Variants in KIF1A observed in about 807,000 individuals in gnomAD.
The protein encoded by KIF1A is kinesin-like protein KIF1A.
A neutral mutation model predicts 227.3 loss-of-function variants in KIF1A; 46 were observed. That is an observed-to-expected ratio of 0.20 (90% CI 0.16 to 0.26). The LOEUF (loss-of-function observed/expected upper bound fraction) is 0.26, where lower values mean the gene tolerates loss of function less well. Ranked by LOEUF, KIF1A falls within the 10% of genes least tolerant of loss-of-function variation. The pLI is 1.00. For missense variants in KIF1A, 1,683 were observed against 2,485.9 expected (o/e 0.68, Z 6.87); for synonymous variants, 1,022 against 1,012.8 (o/e 1.01, Z -0.17).
rs1010738903 is a variant in KIF1A, at chr2:240,719,312, C to A, written c.5022-114G>T. 2.0e-5 allele frequency: 25 copies of A among 1,236,050 alleles called. No homozygotes were observed. In the African/African-American group the frequency reaches 2.8e-4, roughly 14 times the overall value. The allele number at this position is 1,236,050 out of a possible 1,614,324, so 76.6% of individuals were successfully genotyped here. A position where few individuals can be genotyped will look rare whatever the true frequency, so the allele number is the denominator to read the frequency against. On this transcript the variant is annotated intron_variant, in intron 46 of 48. Transcript: ENST00000498729. ...GCAGCAGTGCCAACCACCTCCCCAG[C>A]CAGAAAGTGGGTCGAGGCATCGAAG...
chr2:240,721,282 A>T lies in KIF1A; in HGVS notation c.4744-244T>A, dbSNP rs2241681. ...CCTGACCCAGGCAGCCACCCTGCCA[A>T]TGCCTCGAGGAGTGGGCTGGGTAAG... is the stretch of plus-strand genomic sequence containing the variant. On this transcript the variant is annotated intron_variant, in intron 44 of 48. Transcript: ENST00000498729. 0.03 allele frequency among the ~76,000 whole-genome samples: 4,546 copies of T among 152,290 alleles called. 521 individuals carry two copies. In the East Asian group the frequency reaches 0.34, roughly 11 times the overall value.
At chr2:240,750,942 G>A (rs573756501) in intron 27 of KIF1A, among the ~76,000 whole-genome samples, 3 of 152,238 alleles carry the variant, frequency 2.0e-5, no homozygotes, top group South Asian at 4.1e-4. Flanking sequence ...GGCCAGCATC[G>A]CTCTGCCTCC....
chr2:240,734,762 A>G, intron 38 of KIF1A: 1 of 1,303,170 alleles, frequency 7.7e-7, no homozygotes, highest in Non-Finnish European at 1.0e-6. Context: ...AACACAAACA[A>G]TCACACGGTT....
At chr2:240,797,108 G>A (rs1353500815) in intron 2 of KIF1A, among the ~76,000 whole-genome samples, 1 of 152,208 alleles carries the variant, frequency 6.6e-6, no homozygotes, top group Admixed American at 6.5e-5. Flanking sequence ...GCCCCGCTGA[G>A]CCCAGCCAGC....
chr2:240,755,384 T>C (rs2049726119), intron 27 of KIF1A, among the ~76,000 whole-genome samples: 1 of 151,916 alleles, frequency 6.6e-6, no homozygotes, highest in African/African-American at 2.4e-5. Context: ...TAACCACAGA[T>C]TGGTGAGGTG....
intron 1 of KIF1A, among the ~76,000 whole-genome samples, chr2:240,808,093 C>T (rs1471974747): frequency 1.3e-5 from 2 of 152,150 alleles, no homozygotes; most frequent in Non-Finnish European, 2.9e-5. Context: ...AGAAACAAGT[C>T]CAGGATGCTT....
Position 240,744,017 on chromosome 2 carries a change from C to T in KIF1A, c.3509G>A (p.Ser1170Asn), listed in dbSNP as rs776451256. ...VTKSFIEYIK[S>N]QPIVFEVFGH... is the part of the protein sequence containing the mutation. ...AAAGACCTCGAAAACAATGGGCTGG[C>T]TCTTGATGTACTCAATGAAGGACTT... Residue 1170 changes from serine (S) to asparagine (N), a missense_variant, in exon 33 of 49, where the codon AGC becomes AAC. Around this residue, in one of 12 missense-constraint regions of KIF1A, gnomAD observed 759 missense variants for 1,020.2 expected, o/e 0.74. Coordinates refer to ENST00000498729, the MANE Select transcript of KIF1A (RefSeq NM_001244008.2). The T allele has an allele frequency of 1.7e-5, 27 of 1,613,816 alleles. No homozygotes were observed. Among genetic ancestry groups the T allele is most frequent in the Non-Finnish European group, 2.2e-5 (26 of 1,179,800 alleles).
chr2:240,747,389 G>A (rs1257812601), intron 28 of KIF1A, 68 bp from the exon 29 acceptor site: 3 of 1,287,992 alleles, frequency 2.3e-6, no homozygotes, highest in Non-Finnish European at 2.2e-6. Context: ...GGCAGAGCCA[G>A]GCTGGGCCAC....
chr2:240,800,320 C>T (rs1157797608), intron 1 of KIF1A, among the ~76,000 whole-genome samples: 5 of 152,138 alleles, frequency 3.3e-5, no homozygotes, highest in Non-Finnish European at 5.9e-5. Flanking sequence ...ATGCACACCA[C>T]GAAGCATGGA....
chr2:240,806,032 T>A (rs2057374539), intron 1 of KIF1A, among the ~76,000 whole-genome samples: 1 of 152,044 alleles, frequency 6.6e-6, no homozygotes, highest in Admixed American at 6.5e-5. Flanking sequence ...AGACAAAATA[T>A]ACGAAAATAC....
rs367548685 is a variant in KIF1A, at chr2:240,737,186, G to A, written c.3902-18C>T. On this transcript the variant is annotated intron_variant, in intron 37 of 48. Transcript: ENST00000498729. The stretch of plus-strand genomic sequence containing the variant: ...GATGCGGCCTGCAGAAAAGGCAACG[G>A]GCCACAGGTCACTTCCCAGGGGGCA... The A allele has an allele frequency of 3.0e-5, 48 of 1,607,234 alleles. No homozygotes were observed. The African/African-American group carries it at 4.9e-4, about 17-fold the overall frequency.
intron 7 of KIF1A, among the ~76,000 whole-genome samples, chr2:240,784,213 C>T (rs897713517): frequency 1.4e-4 from 22 of 152,316 alleles, no homozygotes; most frequent in African/African-American, 5.1e-4. Flanking sequence ...TGGCCCTGCT[C>T]AGCCACCACA....
chr2:240,791,331 C>A (rs940138657), intron 2 of KIF1A, among the ~76,000 whole-genome samples: 2 of 152,138 alleles, frequency 1.3e-5, no homozygotes, highest in African/African-American at 4.8e-5. Flanking sequence ...CCAGCTCTGA[C>A]ACAGAGGCCT....
At chr2:240,817,261 C>A (rs1259317600) in intron 1 of KIF1A, among the ~76,000 whole-genome samples, 1 of 152,174 alleles carries the variant, frequency 6.6e-6, no homozygotes, top group Non-Finnish European at 1.5e-5. Context: ...CAGGGTGTGG[C>A]CCAGCCCCCC....
chr2:240,719,839 C>T lies in KIF1A; in HGVS notation c.4956G>A (p.Arg1652=). The T allele has an allele frequency of 2.5e-6, 4 of 1,611,548 alleles. No individual in the cohort carries two copies. Among genetic ancestry groups the T allele is most frequent in the Non-Finnish European group, 3.4e-6 (4 of 1,179,132 alleles). Residue 1652 remains arginine, a synonymous_variant, in exon 46 of 49, where the codon CGG becomes CGA. Coordinates refer to ENST00000498729, the MANE Select transcript of KIF1A (RefSeq NM_001244008.2). ...GGGGCTCCTTGTCTGTCTCTGTTGC[C>T]CGGGCAGGGGAAGGGAGCTTCTTGG... is the stretch of plus-strand genomic sequence containing the variant. ...ADSKKLPSPA[R]ATETDKEPQR... is the part of the protein sequence containing the mutation.
chr2:240,745,317 C>T, intron 32 of KIF1A, 110 bp downstream of exon 32: 1 of 869,828 alleles, frequency 1.1e-6, no homozygotes, highest in Admixed American at 2.0e-5. Context: ...GTGCACAAGG[C>T]AGTCCTGGCC....
intron 1 of KIF1A, among the ~76,000 whole-genome samples, chr2:240,799,582 C>T (rs769090833): frequency 6.6e-6 from 1 of 152,212 alleles, no homozygotes; most frequent in Non-Finnish European, 1.5e-5. Flanking sequence ...TGGCTGCCAG[C>T]GTGGACGGGG....
Position 240,742,976 on chromosome 2 carries a change from C to T in KIF1A, c.3593G>A (p.Arg1198Lys), listed in dbSNP as rs1301276540. 1 of 1,610,106 alleles carries T rather than the reference C, an allele frequency of 6.2e-7. No individual in the cohort carries two copies. The highest frequency in any genetic ancestry group is 1.7e-5 in the Admixed American group (1 of 59,758). ...CCGAGGGAAGTGGCGGCGCGAGGGC[C>T]TCAGGGGGCTGTGGAGAAAGGACCA... ...PLCKDVLSPLRPSRRHFPRVM... is the reference protein window; with the variant it reads ...PLCKDVLSPLKPSRRHFPRVM... The change falls in exon 34 of 49, where the codon AGG (arginine) becomes AAG (lysine). Residue 1198 changes from arginine to lysine, a missense_variant. By Grantham distance (26) the Arg-to-Lys change is conservative (BLOSUM62 2). Transcript: ENST00000498729.
intron 7 of KIF1A, 86 bp downstream of exon 7, chr2:240,784,903 G>T: frequency 9.4e-7 from 1 of 1,068,684 alleles, no homozygotes. Flanking sequence ...CTGTCCTTGT[G>T]CTGCCCCCAC....
Sources: allele counts gnomAD v4.1 joint callset (sites outside exome capture counted in the v4.1 genomes callset), GRCh38; gene constraint gnomAD v4.1.1; regional missense constraint gnomAD v4.1.1; transcripts MANE v1.5; gene names NCBI Gene and HGNC (gene_info 2026-07-23, HGNC 2026-07-21).